Variants in MACF1 observed in about 807,000 individuals in gnomAD.
MACF1 encodes the protein microtubule actin crosslinking factor 1.
A neutral mutation model predicts 854.8 loss-of-function variants in MACF1; 193 were observed. The observed-to-expected ratio is 0.23, with a 90% CI of 0.20 to 0.25. The LOEUF (loss-of-function observed/expected upper bound fraction) is 0.25. Among genes scored for constraint, MACF1 ranks in the 10% least tolerant of loss-of-function variants. The pLI is 1.00. For synonymous variants in MACF1, 3,185 were observed against 3,226.7 expected, an observed-to-expected ratio of 0.99 and a Z score of 0.44; for missense variants, 7,722 against 8,929.1, an observed-to-expected ratio of 0.86 and a Z score of 5.45.
At chr1:39,257,196 A>G (rs946316215) in intron 5 of MACF1, among the ~76,000 whole-genome samples, 1 of 152,244 alleles carries the variant, frequency 6.6e-6, no homozygotes, top group African/African-American at 2.4e-5. Context: ...AAAGAGTAGC[A>G]TATCTCTATA....
intron 36 of MACF1, 80 bp downstream of exon 36, chr1:39,327,433 T>C (rs1466683723): frequency 2.8e-6 from 4 of 1,417,140 alleles, no homozygotes; most frequent in Non-Finnish European, 3.8e-6. Flanking sequence ...TTCAGAGTCA[T>C]GATCACTAGC....
At position 39,084,306 on chromosome 1, in the gene MACF1, C is replaced by T. The variant is rs537793971; in HGVS notation, c.88C>T (p.Arg30Trp). The stretch of plus-strand genomic sequence containing the variant: ...GAGTGAGCGATCTTACAGGAGCGAG[C>T]GGTCGGGGAGCCTGTCTCCCTGTCC... Residue 30 changes from arginine (R) to tryptophan (W), a missense_variant, in exon 2 of 94, where the codon CGG becomes TGG. Transcript: ENST00000361689. The surrounding 1 kb of genome is among the most constrained non-coding windows in gnomAD (Gnocchi z 5.2). 15 of 1,613,862 alleles carry T rather than the reference C, an allele frequency of 9.3e-6. No homozygotes were observed. The highest frequency in any genetic ancestry group is 3.3e-5 in the Admixed American group (2 of 60,002).
chr1:39,307,716 G>A (rs1646212107), intron 23 of MACF1, among the ~76,000 whole-genome samples: 1 of 150,232 alleles, frequency 6.7e-6, no homozygotes, highest in Admixed American at 6.7e-5. Context: ...AGGACTACAG[G>A]CACACACCAC....
chr1:39,485,413 TG>T, intron 100 of MACF1, 124 bp from the exon 101 acceptor site: 1 of 1,119,262 alleles, frequency 8.9e-7, no homozygotes, highest in Non-Finnish European at 1.2e-6. Flanking sequence ...ATGAGGAAAC[TG>T]GGGTGCAGAA....
intron 95 of MACF1, among the ~76,000 whole-genome samples, chr1:39,467,163 G>A (rs1026116589): frequency 3.9e-4 from 59 of 152,178 alleles, no homozygotes; most frequent in Admixed American, 5.2e-4. Context: ...TCAGGAGATC[G>A]AGACTAACCT....
At chr1:39,254,731 T>C (rs560929301) in intron 5 of MACF1, 187 of 255,632 alleles carry the variant, frequency 7.3e-4, no homozygotes, top group African/African-American at 4.0e-3. Context: ...CAGATTGCTA[T>C]ATCAAGGTGA....
chr1:39,240,728 A>G (rs1329596601), intron 2 of MACF1, among the ~76,000 whole-genome samples: 1 of 152,084 alleles, frequency 6.6e-6, no homozygotes, highest in East Asian at 1.9e-4. Context: ...CGAACTTCTG[A>G]TCTCAGGTGA....
In MACF1 at chr1:39,282,219, C is replaced by A; in HGVS notation, c.540C>A (p.Ile180=). 6.2e-7 allele frequency: 1 copy of A among 1,613,750 alleles called. No homozygotes were observed. Among genetic ancestry groups the A allele is most frequent in the South Asian group, 1.1e-5 (1 of 91,034 alleles). ...TIILHFQISD[I]YISGESGDMS... Reference sequence around the variant, plus strand: ...CCATCTTTTGGCAGATCTCTGACATCTACATTAGTGGAGAATCAGGGGATA... The same window carrying A: ...CCATCTTTTGGCAGATCTCTGACATATACATTAGTGGAGAATCAGGGGATA... Residue 180 remains isoleucine, a synonymous_variant, in exon 7 of 101, where the codon ATC becomes ATA. Transcript: ENST00000564288.
rs11800550 is a variant in MACF1 at position 39,437,257 on chromosome 1, T to C, written c.17989-520T>C. Among the ~76,000 whole-genome samples the C allele has an allele frequency of 3.1e-3, 465 of 149,828 alleles. 5 individuals carry two copies. Among genetic ancestry groups the C allele is most frequent in the Middle Eastern group, 0.011 (3 of 282 alleles). On this transcript the variant is annotated intron_variant, in intron 70 of 100. Transcript: ENST00000564288. The stretch of plus-strand genomic sequence containing the variant: ...AAATAAATATTGGCTTTTTTTTTTT[T>C]TAATGGGCCAGCTCTGTATATGCCC...
chr1:39,334,062 G>C lies in MACF1; in HGVS notation c.7474G>C (p.Glu2492Gln), dbSNP rs1646771656. The change falls in exon 37 of 101, where the codon GAG becomes CAG. Residue 2492 changes from glutamate (E) to glutamine (Q), a missense_variant. Physicochemically the swap from Glu to Gln is conservative, Grantham distance 29. This residue lies in a region of MACF1 where 1,531 missense variants were observed against 1,601.6 expected (regional missense o/e 0.96). Coordinates refer to ENST00000564288, the MANE Select transcript of MACF1 (RefSeq NM_001394062.1). Reference sequence around the variant, plus strand: ...CATTGACAGAGGTCTTTTGGAGAGAGAGGAGGCCGTTCGTTTGTTGACTAA... The same window carrying C: ...CATTGACAGAGGTCTTTTGGAGAGACAGGAGGCCGTTCGTTTGTTGACTAA... Reference protein sequence around the residue: ...QSIDRGLLEREEAVRLLTKQV... With the variant: ...QSIDRGLLERQEAVRLLTKQV... 9.3e-6 allele frequency: 15 copies of C among 1,614,172 alleles called. No homozygotes were observed. The highest frequency in any genetic ancestry group is 1.3e-5 in the Non-Finnish European group (15 of 1,180,020).
chr1:39,335,680 CAGA>C lies in MACF1; in HGVS notation c.9094_9096del (p.Glu3032del). On this transcript the variant is annotated inframe_deletion, in exon 37 of 101. Transcript: ENST00000564288. ...AGTGAAAAAGGGAAAGAAGCTGATA[CAGA>C]AATGGGATTTTCTATTACTTTTAAA... 6.2e-7 allele frequency: 1 copy of C among 1,613,876 alleles called. No individual in the cohort carries two copies. The highest frequency in any genetic ancestry group is 8.5e-7 in the Non-Finnish European group (1 of 1,179,962).
At chr1:39,152,089 C>T (rs1013109088) in intron 2 of MACF1, among the ~76,000 whole-genome samples, 1 of 152,106 alleles carries the variant, frequency 6.6e-6, no homozygotes, top group Non-Finnish European at 1.5e-5. Flanking sequence ...ATTCTCCTGC[C>T]TCAGCCTCCC....
At chr1:39,433,253 T>C (rs1037450302) in intron 68 of MACF1, 98 bp downstream of exon 68, 8 of 652,166 alleles carry the variant, frequency 1.2e-5, no homozygotes, top group Non-Finnish European at 2.6e-6. Flanking sequence ...TTTTCCCTCC[T>C]GGACTTTTCT....
chr1:39,322,740 C>T (rs375261827), intron 32 of MACF1, 25 bp downstream of exon 32: 1 of 1,602,728 alleles, frequency 6.2e-7, no homozygotes, highest in South Asian at 1.1e-5. Flanking sequence ...GAAGGAAATA[C>T]ACCACTGTCT....
At chr1:39,264,693 G>A (rs1645209950) in intron 6 of MACF1, among the ~76,000 whole-genome samples, 2 of 128,978 alleles carry the variant, frequency 1.6e-5, no homozygotes, top group Non-Finnish European at 3.1e-5. Context: ...TTGAGACGGA[G>A]TCTCGCTCTG....
chr1:39,200,287 T>A (rs898954850), upstream of MACF1, among the ~76,000 whole-genome samples: 1 of 152,312 alleles, frequency 6.6e-6, no homozygotes, highest in Admixed American at 6.5e-5. Context: ...TTAGCCCCTT[T>A]TGGTTGTTCT....
At chr1:39,362,318 A>G (rs1304073569) in intron 49 of MACF1, among the ~76,000 whole-genome samples, 1 of 152,166 alleles carries the variant, frequency 6.6e-6, no homozygotes, top group African/African-American at 2.4e-5. Context: ...CGCTTTATCC[A>G]GCTTTCTAAC....
At chr1:39,148,752 T>C (rs1355765744) in intron 2 of MACF1, among the ~76,000 whole-genome samples, 1 of 152,244 alleles carries the variant, frequency 6.6e-6, no homozygotes, top group African/African-American at 2.4e-5. Flanking sequence ...GAGATCAATA[T>C]ACTTACATGT....
intron 95 of MACF1, among the ~76,000 whole-genome samples, chr1:39,465,610 G>C (rs1644651705): frequency 6.6e-6 from 1 of 152,078 alleles, no homozygotes; most frequent in Non-Finnish European, 1.5e-5. Flanking sequence ...GTGGCCTGAA[G>C]TATGCTGATT....
Sources: allele counts gnomAD v4.1 joint callset (sites outside exome capture counted in the v4.1 genomes callset), GRCh38; gene constraint gnomAD v4.1.1; regional missense constraint gnomAD v4.1.1; non-coding constraint Gnocchi (gnomAD v3.1); transcripts MANE v1.5; gene names NCBI Gene and HGNC (gene_info 2026-07-23, HGNC 2026-07-21).